Variants in DENND2D observed in about 807,000 individuals in gnomAD.
DENND2D encodes the protein DENN domain-containing protein 2D.
A neutral mutation model predicts 59.8 loss-of-function variants in DENND2D; 37 were observed. The observed-to-expected ratio is 0.62, with a 90% confidence interval of 0.48 to 0.81. The LOEUF is 0.81. Ranked by LOEUF, DENND2D falls within the 40% of genes least tolerant of loss-of-function variation. The pLI is 0.00. For synonymous variants in DENND2D, 219 were observed against 211.3 expected (o/e 1.04, Z -0.31); for missense variants, 525 against 579.7 (o/e 0.91, Z 0.97).
chr1:111,204,171 C>G (rs1659087064), upstream of DENND2D: 2 of 1,070,256 alleles, frequency 1.9e-6, no homozygotes, highest in Non-Finnish European at 2.5e-6. Flanking sequence ...CTCCTGAGTC[C>G]CCTTCCAACT....
intron 7 of DENND2D, among the ~76,000 whole-genome samples, chr1:111,193,081 T>A (rs1657927801): frequency 6.6e-6 from 1 of 152,214 alleles, no homozygotes; most frequent in Non-Finnish European, 1.5e-5. Context: ...ACAGTCCCAC[T>A]CTCTGTCTTT....
chr1:111,200,467 C>T lies in DENND2D; in HGVS notation c.-8G>A, dbSNP rs1253381555. ...TACCACTTGTCCTTCCATCTCTGGG[C>T]CTTCAGGACAGAGCGGACTCCCCTC... On this transcript the variant is annotated 5_prime_UTR_variant, in exon 1 of 12. Transcript: ENST00000357640. 1.2e-6 allele frequency: 2 copies of T among 1,607,436 alleles called. No individual in the cohort carries two copies. The highest frequency in any genetic ancestry group is 1.7e-5 in the Admixed American group (1 of 59,416).
intron 4 of DENND2D, 47 bp downstream of exon 4, chr1:111,197,861 CCCAGCCGTGGAG>C: frequency 6.2e-7 from 1 of 1,609,930 alleles, no homozygotes; most frequent in Non-Finnish European, 8.5e-7. Context: ...CTTGAGCAAG[CCCAGCCGTGGAG>C]CTGAGCAGAC....
chr1:111,200,255 C>A, intron 1 of DENND2D, 138 bp downstream of exon 1: 1 of 1,198,098 alleles, frequency 8.3e-7, no homozygotes, highest in East Asian at 2.6e-5. Flanking sequence ...GCAGAGGAAG[C>A]CTCCTGACCC....
rs1368063223 is a variant in DENND2D, at chr1:111,195,945, T to G, written c.616A>C (p.Lys206Gln). 2 of 1,613,962 alleles carry G rather than the reference T, an allele frequency of 1.2e-6. No homozygotes were observed. The highest frequency in any genetic ancestry group is 2.7e-5 in the African/African-American group (2 of 74,876). ...FPAPGKTVTL[K>Q]SFIPDSGTEF... ...GTGCCTGAGTCGGGGATGAAGCTCTTGAGAGTGACAGTCTTCCCAGGAGCA... is the reference window on the plus strand; with the variant it reads ...GTGCCTGAGTCGGGGATGAAGCTCTGGAGAGTGACAGTCTTCCCAGGAGCA... The change falls in exon 6 of 12, where the codon AAG becomes CAG. Residue 206 changes from lysine to glutamine, a missense_variant. Coordinates refer to ENST00000357640, the MANE Select transcript of DENND2D (RefSeq NM_024901.5).
chr1:111,190,225 G>T (rs1470114155), intron 8 of DENND2D, among the ~76,000 whole-genome samples: 1 of 151,204 alleles, frequency 6.6e-6, no homozygotes, highest in Non-Finnish European at 1.5e-5. Context: ...AACAGCAAAG[G>T]AAGAAAATGA....
chr1:111,200,300 AAAGG>A (rs1658673778), intron 1 of DENND2D, 89 bp downstream of exon 1: 3 of 1,508,604 alleles, frequency 2.0e-6, no homozygotes, highest in Non-Finnish European at 2.7e-6. Flanking sequence ...GCCGAGATAT[AAAGG>A]AAGAGGAGGA....
chr1:111,204,413 T>C (rs971169361), upstream of DENND2D: 1 of 1,333,926 alleles, frequency 7.5e-7, no homozygotes, highest in Non-Finnish European at 9.6e-7. Flanking sequence ...CCCCTATCCT[T>C]GACCTCCGCG....
Position 111,198,739 on chromosome 1 carries a change from C to T in DENND2D, c.247G>A (p.Glu83Lys), listed in dbSNP as rs1467066899. The T allele has an allele frequency of 6.2e-7, 1 of 1,614,030 alleles. No homozygotes were observed. Among genetic ancestry groups the T allele is most frequent in the Non-Finnish European group, 8.5e-7 (1 of 1,180,028 alleles). Residue 83 changes from glutamate (E) to lysine (K), a missense_variant, in exon 3 of 12, where the codon GAG becomes AAG. Coordinates refer to ENST00000357640, the MANE Select transcript of DENND2D (RefSeq NM_024901.5). ...PIITYQFPKR[E>K]NLLRGQQEEE... is the part of the protein sequence containing the mutation. ...TCCTGCTGACCCCGAAGCAGGTTCTCCCGCTATAAGGCAAAGGAAAAGACA... is the reference window on the plus strand; with the variant it reads ...TCCTGCTGACCCCGAAGCAGGTTCTTCCGCTATAAGGCAAAGGAAAAGACA...
At chr1:111,194,788 G>A (rs1571187151) in intron 6 of DENND2D, 62 bp from the exon 7 acceptor site, 2 of 1,575,744 alleles carry the variant, frequency 1.3e-6, no homozygotes, top group African/African-American at 1.4e-5. Context: ...AGACCCCGAG[G>A]TGCTAGGCCT....
intron 11 of DENND2D, 56 bp from the exon 12 acceptor site, chr1:111,187,737 T>C (rs1657348727): frequency 1.5e-6 from 2 of 1,361,776 alleles, no homozygotes; most frequent in Non-Finnish European, 2.1e-6. Context: ...CAGATTATAA[T>C]GAGCTCAGGA....
At chr1:111,204,494 C>G, upstream of DENND2D, 6 of 920,328 alleles carry the variant, frequency 6.5e-6, no homozygotes, top group Non-Finnish European at 4.4e-6. Flanking sequence ...GCGCACCTTC[C>G]GGACTCCGGC....
chr1:111,200,387 C>G lies in DENND2D; in HGVS notation c.67+6G>C, dbSNP rs776168058. 6.2e-7 allele frequency: 1 copy of G among 1,611,104 alleles called. No individual in the cohort carries two copies. On this transcript the variant is annotated splice_donor_region_variant and intron_variant, in intron 1 of 11. Transcript: ENST00000357640. The stretch of plus-strand genomic sequence containing the variant: ...AAAACAAGGAAGTAGGCAGTCCAGT[C>G]CTGACCTGCTCGGAGTTGAAGCAGT...
At chr1:111,197,377 C>A in intron 4 of DENND2D, 124 bp from the exon 5 acceptor site, 1 of 1,489,778 alleles carries the variant, frequency 6.7e-7, no homozygotes, top group Non-Finnish European at 8.9e-7. Flanking sequence ...GTGGGTGCAG[C>A]AGGGAGGTCA....
At chr1:111,199,021 G>T (rs899707267) in intron 2 of DENND2D, among the ~76,000 whole-genome samples, 1 of 152,224 alleles carries the variant, frequency 6.6e-6, no homozygotes, top group African/African-American at 2.4e-5. Context: ...AAAGGGGACA[G>T]GGCCATGTTG....
At position 111,200,639 on chromosome 1, in the gene DENND2D, A is replaced by C; in HGVS notation, c.-180T>G. 7.2e-7 allele frequency: 1 copy of C among 1,397,926 alleles called. No individual in the cohort carries two copies. The highest frequency in any genetic ancestry group is 9.4e-7 in the Non-Finnish European group (1 of 1,064,066). The allele number at this position is 1,397,926 out of a possible 1,614,324, so 86.6% of individuals were successfully genotyped here. A position where few individuals can be genotyped will look rare whatever the true frequency, so the allele number is the denominator to read the frequency against. The stretch of plus-strand genomic sequence containing the variant: ...CCTGTGCACCCAGTGGTTGAGCAAG[A>C]AGGATGTGACGGGACCCAGGAAGGC... On this transcript the variant is annotated 5_prime_UTR_variant, in exon 1 of 12. Coordinates refer to ENST00000357640, the MANE Select transcript of DENND2D (RefSeq NM_024901.5).
In DENND2D at chr1:111,196,004, G is replaced by A; in HGVS notation, c.557C>T (p.Pro186Leu). The A allele has an allele frequency of 6.2e-7, 1 of 1,613,870 alleles. No homozygotes were observed. The highest frequency in any genetic ancestry group is 2.2e-5 in the East Asian group (1 of 44,876). Residue 186 changes from proline to leucine, a missense_variant, in exon 6 of 12, where the codon CCG (proline) becomes CTG (leucine). Transcript: ENST00000357640. ...TGCCTCTCGGAGGCCCTGCATGAAC[G>A]GGTAGATGACAGCCATGGAGATCTG... ...RHQISMAVIY[P>L]FMQGLREAAF... is the part of the protein sequence containing the mutation.
intron 6 of DENND2D, 141 bp from the exon 7 acceptor site, chr1:111,194,867 G>T: frequency 1.1e-6 from 1 of 920,258 alleles, no homozygotes; most frequent in Non-Finnish European, 1.6e-6. Context: ...CCTGCTAATT[G>T]GCTGGAGGAC....
At chr1:111,200,236 T>A in intron 1 of DENND2D, 157 bp downstream of exon 1, 1 of 1,005,134 alleles carries the variant, frequency 9.9e-7, no homozygotes. Context: ...GACCAGCTCT[T>A]AAAAACCAGC....
Sources: allele counts gnomAD v4.1 joint callset (sites outside exome capture counted in the v4.1 genomes callset), GRCh38; gene constraint gnomAD v4.1.1; transcripts MANE v1.5; gene names NCBI Gene and HGNC (gene_info 2026-07-23, HGNC 2026-07-21).